RBBP8: variants seen among roughly 807,000 people sequenced by gnomAD.
RBBP8 encodes RB binding protein 8, endonuclease.
A neutral mutation model predicts 108.3 loss-of-function variants in RBBP8; 88 were observed. The observed-to-expected ratio is 0.81, with a 90% CI of 0.68 to 0.97. The LOEUF (loss-of-function observed/expected upper bound fraction) is 0.97. RBBP8 is among the 50% of genes least tolerant of loss of function. RBBP8 has a pLI of 0.00. For synonymous variants in RBBP8, 332 were observed against 348.2 expected, an observed-to-expected ratio of 0.95 and a Z score of 0.52; for missense variants, 1,023 against 1,049.0, an observed-to-expected ratio of 0.98 and a Z score of 0.34.
Position 22,925,843 on chromosome 18 carries a change from C to T in RBBP8, c.-153-3540C>T, listed in dbSNP as rs143524472. On this transcript the variant is annotated intron_variant, in intron 3 of 4. Coordinates refer to the RBBP8 transcript ENST00000577588. ...TACATAGGTACAATGCAGTATAATA[C>T]TTTAATAGACAAAATGGTAAAGATT... 6.2e-3 allele frequency among the ~76,000 whole-genome samples: 950 copies of T among 152,270 alleles called. 6 individuals carry two copies. The highest frequency in any genetic ancestry group is 0.01 in the Non-Finnish European group (684 of 68,030).
At chr18:23,022,933 C>A (rs943418342) in intron 18 of RBBP8, among the ~76,000 whole-genome samples, 1 of 151,264 alleles carries the variant, frequency 6.6e-6, no homozygotes, top group Admixed American at 6.6e-5. Flanking sequence ...GGGCTTCACT[C>A]TGTCACCCAG....
At position 22,984,842 on chromosome 18, in the gene RBBP8, CATCATT is replaced by C. The variant is rs771322572; in HGVS notation, c.605-43_605-38del. The C allele has an allele frequency of 1.1e-4, 127 of 1,130,314 alleles. 1 individual carries two copies. The Admixed American group carries it at 2.3e-3, about 20-fold the overall frequency. 70.0% of individuals were successfully genotyped at this position (1,130,314 alleles called of 1,614,324 possible). A position where few individuals can be genotyped will look rare whatever the true frequency, so the allele number is the denominator to read the frequency against. ...AAAATAATTTGATAATGCTTTTCATCATCATTGTTTATTGTGTAATCTCTTATTTTT... is the reference window on the plus strand; with the variant it reads ...AAAATAATTTGATAATGCTTTTCATCGTTTATTGTGTAATCTCTTATTTTT... On this transcript the variant is annotated intron_variant, in intron 7 of 18. Coordinates refer to ENST00000327155, the MANE Select transcript of RBBP8 (RefSeq NM_002894.3).
intron 16 of RBBP8, among the ~76,000 whole-genome samples, chr18:23,014,463 A>G (rs1485155543): frequency 6.6e-6 from 1 of 152,132 alleles, no homozygotes; most frequent in Non-Finnish European, 1.5e-5. Context: ...GTAAGACCTC[A>G]TCTGTACTAA....
intron 3 of RBBP8, among the ~76,000 whole-genome samples, chr18:22,948,893 G>A (rs1911790612): frequency 6.6e-6 from 1 of 152,148 alleles, no homozygotes; most frequent in African/African-American, 2.4e-5. Context: ...AATAATGATA[G>A]AGGGGTAAAA....
chr18:23,004,282 T>TAC (rs943777835), intron 15 of RBBP8, among the ~76,000 whole-genome samples: 26 of 151,780 alleles, frequency 1.7e-4, no homozygotes, highest in Middle Eastern at 3.4e-3. Flanking sequence ...TATATATATA[T>TAC]ATACACACAC....
intron 15 of RBBP8, among the ~76,000 whole-genome samples, chr18:23,006,076 C>CCT (rs761744514): frequency 6.6e-6 from 1 of 151,900 alleles, no homozygotes; most frequent in Non-Finnish European, 1.5e-5. Context: ...GTCCCAACTA[C>CCT]TCAGGAGGCT....
intron 4 of RBBP8, 46 bp from the exon 5 acceptor site, chr18:22,968,760 G>C (rs754462184): frequency 1.3e-6 from 2 of 1,497,786 alleles, no homozygotes; most frequent in Non-Finnish European, 1.9e-6. Flanking sequence ...TTCCAAAGAA[G>C]GAAATCTCTT....
At chr18:22,960,391 T>C (rs983314372) in intron 4 of RBBP8, among the ~76,000 whole-genome samples, 12 of 151,972 alleles carry the variant, frequency 7.9e-5, no homozygotes, top group Admixed American at 2.0e-4. Flanking sequence ...TCTCTAAAAG[T>C]ACAAAATTAC....
chr18:22,976,130 T>C (rs1335599940), intron 6 of RBBP8, among the ~76,000 whole-genome samples: 3 of 152,182 alleles, frequency 2.0e-5, no homozygotes, highest in East Asian at 3.8e-4. Context: ...TAGTTATTTT[T>C]GTATGAACAC....
intron 2 of RBBP8, among the ~76,000 whole-genome samples, chr18:22,944,893 G>T (rs184232402): frequency 6.6e-6 from 1 of 152,046 alleles, no homozygotes; most frequent in Non-Finnish European, 1.5e-5. Context: ...AAATGTATAG[G>T]TTTGTTTTTA....
At chr18:22,924,127 G>GTTTTTTTTTTTTTTTTTTTTT (rs33978854) in intron 3 of RBBP8, among the ~76,000 whole-genome samples, 1 of 108,228 alleles carries the variant, frequency 9.2e-6, no homozygotes, top group Non-Finnish European at 1.8e-5. Flanking sequence ...TTTGTTTTTG[G>GTTTTTTTTTTTTTTTTTTTTT]TTTTTTTTTT....
chr18:22,936,614 C>G, intron 1 of RBBP8, 140 bp from the exon 2 acceptor site: 1 of 492,416 alleles, frequency 2.0e-6, no homozygotes. Flanking sequence ...CTTTCCTTCC[C>G]CTCCCAAATT....
chr18:23,009,982 G>T (rs187047682), intron 16 of RBBP8, among the ~76,000 whole-genome samples: 192 of 152,252 alleles, frequency 1.3e-3, no homozygotes, highest in Non-Finnish European at 2.2e-3. Context: ...GGATGGTCTC[G>T]ATCTCTTGAC....
chr18:22,946,569 A>T (rs1485395353), intron 3 of RBBP8, 83 bp downstream of exon 3: 34 of 1,567,444 alleles, frequency 2.2e-5, no homozygotes, highest in African/African-American at 5.4e-5. Context: ...AGAGTAGTTG[A>T]TACTGATGTC....
At chr18:22,921,355 C>T (rs956296126) in intron 3 of RBBP8, among the ~76,000 whole-genome samples, 4 of 152,224 alleles carry the variant, frequency 2.6e-5, no homozygotes, top group Non-Finnish European at 4.4e-5. Context: ...TTATCCACAA[C>T]TTCTGACTTC....
Position 22,936,165 on chromosome 18 carries a change from G to T in RBBP8, c.-98-589G>T, listed in dbSNP as rs536301817. On this transcript the variant is annotated intron_variant, in intron 1 of 18. Transcript: ENST00000327155. ...CGCTCAGGCTGGAATGCAGTGGCAC[G>T]ATCTCCGCTCACTGCAAATTCCGCC... is the stretch of plus-strand genomic sequence containing the variant. Among the ~76,000 whole-genome samples, 3 of 152,072 alleles carry T rather than the reference G, an allele frequency of 2.0e-5. No homozygotes were observed. In the South Asian group the frequency reaches 6.2e-4, roughly 32 times the overall value.
chr18:22,980,289 T>C (rs1382501275), intron 6 of RBBP8, among the ~76,000 whole-genome samples: 21 of 152,028 alleles, frequency 1.4e-4, no homozygotes, highest in Admixed American at 1.4e-3. Context: ...TTGCATACTA[T>C]GTTAAAAAGC....
chr18:23,019,397 C>A (rs1233226200), intron 17 of RBBP8, among the ~76,000 whole-genome samples: 1 of 152,174 alleles, frequency 6.6e-6, no homozygotes, highest in Admixed American at 6.6e-5. Context: ...GTTACTCCAT[C>A]ATGACCAGAA....
At chr18:22,971,570 A>G (rs530810181) in intron 5 of RBBP8, among the ~76,000 whole-genome samples, 2 of 152,118 alleles carry the variant, frequency 1.3e-5, no homozygotes, top group South Asian at 4.2e-4. Flanking sequence ...GTGAATTTAT[A>G]AAACTCTTAG....
Sources: allele counts gnomAD v4.1 joint callset (sites outside exome capture counted in the v4.1 genomes callset), GRCh38; gene constraint gnomAD v4.1.1; transcripts MANE v1.5; gene names NCBI Gene and HGNC (gene_info 2026-07-23, HGNC 2026-07-21).